The following GRIK4 variants were observed in gnomAD, a reference collection of about 807,000 sequenced individuals.
GRIK4 encodes glutamate ionotropic receptor kainate type subunit 4, also known as glutamate receptor ionotropic, kainate 4.
Under a neutral mutation model 104.9 loss-of-function variants are expected in GRIK4, and 40 were observed. The ratio of observed to expected loss-of-function variants is 0.38; its 90% CI spans 0.30 to 0.50. The LOEUF (loss-of-function observed/expected upper bound fraction) is 0.50. Ranked by LOEUF, GRIK4 falls within the 20% of genes least tolerant of loss-of-function variation. GRIK4 has a pLI of 0.93. For missense variants in GRIK4, 1,047 were observed against 1,308.1 expected, an observed-to-expected ratio of 0.80 and a Z score of 3.08; for synonymous variants, 485 against 524.9, an observed-to-expected ratio of 0.92 and a Z score of 1.04.
intron 3 of GRIK4, among the ~76,000 whole-genome samples, chr11:120,760,651 C>A (rs1951734538): frequency 6.6e-6 from 1 of 151,918 alleles, no homozygotes; most frequent in Non-Finnish European, 1.5e-5. Flanking sequence ...CTGTGCCCAA[C>A]GTTCTCATTG....
chr11:120,525,967 T>C (rs1387775434), intron 1 of GRIK4, among the ~76,000 whole-genome samples: 1 of 152,166 alleles, frequency 6.6e-6, no homozygotes, highest in African/African-American at 2.4e-5. Flanking sequence ...GCAAATAAGA[T>C]ACCACCTGTG....
intron 4 of GRIK4, 49 bp from the exon 5 acceptor site, chr11:120,815,329 G>A (rs895446170): frequency 2.3e-5 from 26 of 1,126,286 alleles, no homozygotes; most frequent in Non-Finnish European, 3.0e-5. Flanking sequence ...GCGCAAGCCC[G>A]ACCTGATGAG....
At position 120,751,107 on chromosome 11, in the gene GRIK4, G is replaced by A. The variant is rs187611290; in HGVS notation, c.83-51586G>A. ...CCAGTGTGAGAAGCGCAGTAGAGAG[G>A]GAGCGATTCTTTTCACCTTGGCATG... On this transcript the variant is annotated intron_variant, in intron 3 of 20. Transcript: ENST00000527524. Among the ~76,000 whole-genome samples, 21 of 152,172 alleles carry A rather than the reference G, an allele frequency of 1.4e-4. No individual in the cohort carries two copies. In the East Asian group the frequency reaches 1.9e-3, roughly 14 times the overall value.
intron 8 of GRIK4, among the ~76,000 whole-genome samples, chr11:120,860,846 G>A (rs1311571157): frequency 6.6e-6 from 1 of 152,038 alleles, no homozygotes; most frequent in African/African-American, 2.4e-5. Context: ...AGTTCCCCTG[G>A]GTCCCATCAC....
At chr11:120,589,548 C>G (rs1469224805) in intron 1 of GRIK4, among the ~76,000 whole-genome samples, 1 of 152,178 alleles carries the variant, frequency 6.6e-6, no homozygotes, top group African/African-American at 2.4e-5. Flanking sequence ...GAATTAGATG[C>G]AACTCCTGCA....
chr11:120,516,036 A>G (rs939429037), intron 1 of GRIK4, among the ~76,000 whole-genome samples: 6 of 152,244 alleles, frequency 3.9e-5, no homozygotes, highest in African/African-American at 1.4e-4. Flanking sequence ...CTTCCCCTAC[A>G]CTTGGGCATC....
chr11:120,822,409 G>C (rs1457107183), intron 6 of GRIK4, among the ~76,000 whole-genome samples: 6 of 152,064 alleles, frequency 3.9e-5, no homozygotes, highest in Non-Finnish European at 8.8e-5. Flanking sequence ...AAGTGGTAGA[G>C]CTTGGATTTG....
Position 120,660,336 on chromosome 11 carries a change from G to A in GRIK4, c.18G>A (p.Ala6=), listed in dbSNP as rs1412919601. 1.2e-6 allele frequency: 2 copies of A among 1,613,258 alleles called. No individual in the cohort carries two copies. Among genetic ancestry groups the A allele is most frequent in the Non-Finnish European group, 8.5e-7 (1 of 1,179,834 alleles). The change falls in exon 3 of 21, where the codon GCG becomes GCA. Residue 6 remains alanine, a synonymous_variant. Transcript: ENST00000527524. MPRVS[A]PLVLLPAWLV... ...CATAGAAGATGCCCCGCGTCTCGGC[G>A]CCTTTGGTGCTGCTTCCTGCGTGGC...
intron 1 of GRIK4, among the ~76,000 whole-genome samples, chr11:120,527,808 T>A (rs1334238782): frequency 6.6e-6 from 1 of 152,184 alleles, no homozygotes. Context: ...AAAGAGGGCC[T>A]GGTGGTCCCA....
intron 3 of GRIK4, among the ~76,000 whole-genome samples, chr11:120,748,121 G>A (rs1370313709): frequency 6.6e-6 from 1 of 152,076 alleles, no homozygotes; most frequent in Non-Finnish European, 1.5e-5. Context: ...TCACCACCAA[G>A]ACCTTGGCTG....
intron 1 of GRIK4, among the ~76,000 whole-genome samples, chr11:120,546,687 T>C (rs1405852453): frequency 6.6e-6 from 1 of 152,138 alleles, no homozygotes; most frequent in East Asian, 1.9e-4. Context: ...TGGGACATGC[T>C]TCTGGCTCAG....
intron 1 of GRIK4, among the ~76,000 whole-genome samples, chr11:120,625,053 G>A (rs1226807351): frequency 6.6e-6 from 1 of 152,214 alleles, no homozygotes; most frequent in Non-Finnish European, 1.5e-5. Flanking sequence ...GGAGGCTAAG[G>A]TAGGTGGATC....
chr11:120,902,402 G>C lies in GRIK4; in HGVS notation c.1273-2888G>C, dbSNP rs1051082360. On this transcript the variant is annotated intron_variant, in intron 12 of 20. Coordinates refer to ENST00000527524, the MANE Select transcript of GRIK4 (RefSeq NM_014619.5). This position sits in a 1 kb window ranked among gnomAD's most constrained non-coding sequence, Gnocchi z 4.5. ...AACGCGTCTCCAAGACCGGCCTTGT[G>C]TCTGTTCACTTTGAATATGTCAATA... 2.0e-5 allele frequency among the ~76,000 whole-genome samples: 3 copies of C among 152,150 alleles called. No individual in the cohort carries two copies. The highest frequency in any genetic ancestry group is 4.4e-5 in the Non-Finnish European group (3 of 68,038).
intron 1 of GRIK4, among the ~76,000 whole-genome samples, chr11:120,622,643 G>A (rs571595548): frequency 2.2e-4 from 34 of 152,318 alleles, no homozygotes; most frequent in African/African-American, 6.3e-4. Context: ...ACAAATGACC[G>A]GAAGCCAAGT....
chr11:120,538,406 G>C lies in GRIK4; in HGVS notation c.-159+26519G>C, dbSNP rs149110507. Among the ~76,000 whole-genome samples, 731 of 152,320 alleles carry C rather than the reference G, an allele frequency of 4.8e-3. 1 individual carries two copies. Among genetic ancestry groups the C allele is most frequent in the Non-Finnish European group, 8.0e-3 (541 of 68,032 alleles). On this transcript the variant is annotated intron_variant, in intron 1 of 20. Coordinates refer to ENST00000527524, the MANE Select transcript of GRIK4 (RefSeq NM_014619.5). ...CCAAAGTGTCTGATTCCCTCCCCAG[G>C]GGGTGTACATTGTAAAAGGCCTCCT...
At chr11:120,659,768 C>T (rs886506898) in intron 2 of GRIK4, among the ~76,000 whole-genome samples, 23 of 152,218 alleles carry the variant, frequency 1.5e-4, no homozygotes, top group Admixed American at 1.0e-3. Flanking sequence ...CTCGCTCTGT[C>T]GTCCAGGCTG....
At chr11:120,540,337 T>C (rs1392208524) in intron 1 of GRIK4, among the ~76,000 whole-genome samples, 1 of 152,172 alleles carries the variant, frequency 6.6e-6, no homozygotes, top group Non-Finnish European at 1.5e-5. Flanking sequence ...AACTTGGGGC[T>C]CGGCTGGGCG....
chr11:120,971,221 A>G (rs1221781366), intron 19 of GRIK4, among the ~76,000 whole-genome samples: 2 of 152,174 alleles, frequency 1.3e-5, no homozygotes, highest in South Asian at 2.1e-4. Flanking sequence ...CACTTAAGAC[A>G]TATATTTTCT....
chr11:120,916,738 G>C (rs985514125), intron 13 of GRIK4, among the ~76,000 whole-genome samples: 3 of 152,204 alleles, frequency 2.0e-5, no homozygotes, highest in Non-Finnish European at 4.4e-5. Context: ...TTCAGGCTAC[G>C]TGTCTAAGGT....
Sources: gnomAD v4.1 joint callset for allele counts (sites outside exome capture counted in the v4.1 genomes callset) on GRCh38, gnomAD v4.1.1 for gene constraint, Gnocchi (gnomAD v3.1) non-coding constraint, MANE v1.5 for transcripts, NCBI Gene and HGNC (gene_info 2026-07-23, HGNC 2026-07-21) for gene names.